Variants in OPCML observed in about 807,000 individuals in gnomAD.
OPCML encodes opioid-binding protein/cell adhesion molecule.
OPCML carries 13 observed loss-of-function variants against 37.8 expected under a neutral mutation model. The observed-to-expected ratio is 0.34, with a 90% confidence interval of 0.22 to 0.55. The LOEUF is 0.55. Ranked by LOEUF, OPCML falls within the 20% of genes least tolerant of loss-of-function variation. The pLI is 0.91. For missense variants in OPCML, 341 were observed against 435.6 expected (o/e 0.78, Z 1.93); for synonymous variants, 176 against 168.8 (o/e 1.04, Z -0.33).
rs538590980 is a variant in OPCML at position 132,431,788 on chromosome 11, C to T, written c.916+4298G>A. 3.6e-4 allele frequency among the ~76,000 whole-genome samples: 55 copies of T among 152,230 alleles called. 1 individual carries two copies. Among genetic ancestry groups the T allele is most frequent in the South Asian group, 2.3e-3 (11 of 4,820 alleles). Reference sequence around the variant, plus strand: ...AGAGAGGCACGCTGTGAAGGGATCACGGGGCAGAGTCAAAGAGGGCTCTCA... The same window carrying T: ...AGAGAGGCACGCTGTGAAGGGATCATGGGGCAGAGTCAAAGAGGGCTCTCA... On this transcript the variant is annotated intron_variant, in intron 7 of 7. Coordinates refer to ENST00000524381, the MANE Select transcript of OPCML (RefSeq NM_001012393.5).
chr11:132,892,343 G>C (rs1182988932), intron 2 of OPCML, among the ~76,000 whole-genome samples: 1 of 152,202 alleles, frequency 6.6e-6, no homozygotes, highest in Non-Finnish European at 1.5e-5. Flanking sequence ...TGGTTGAGAA[G>C]AAAAGGAGAG....
intron 3 of OPCML, among the ~76,000 whole-genome samples, chr11:132,640,716 C>A (rs188864573): frequency 1.3e-5 from 2 of 152,136 alleles, no homozygotes; most frequent in Non-Finnish European, 2.9e-5. Context: ...GCAGTAGTTA[C>A]GGTGTGGTGT....
At chr11:133,207,710 C>T (rs1469724682) in intron 1 of OPCML, among the ~76,000 whole-genome samples, 1 of 152,136 alleles carries the variant, frequency 6.6e-6, no homozygotes, top group Admixed American at 6.5e-5. Flanking sequence ...ATGTACTATC[C>T]AGACTCAGAT....
chr11:133,511,380 G>T (rs567661726), intron 1 of OPCML, among the ~76,000 whole-genome samples: 5 of 152,176 alleles, frequency 3.3e-5, no homozygotes, highest in African/African-American at 1.2e-4. Flanking sequence ...ACACAGGACC[G>T]CGTGGCTAAC....
chr11:133,102,647 G>T (rs1174682216), intron 1 of OPCML, among the ~76,000 whole-genome samples: 3 of 152,146 alleles, frequency 2.0e-5, no homozygotes, highest in African/African-American at 7.2e-5. Flanking sequence ...CTACTCAGGA[G>T]GCTGAGGCAG....
At chr11:132,752,876 C>T (rs1945886756) in intron 2 of OPCML, among the ~76,000 whole-genome samples, 1 of 152,082 alleles carries the variant, frequency 6.6e-6, no homozygotes, top group African/African-American at 2.4e-5. Flanking sequence ...TTGTTGAGTC[C>T]ACCTTCTAAA....
chr11:132,643,657 C>A (rs1940988206), intron 3 of OPCML, among the ~76,000 whole-genome samples: 1 of 152,176 alleles, frequency 6.6e-6, no homozygotes, highest in Admixed American at 6.5e-5. Flanking sequence ...ATCTCTTTCC[C>A]TTATCACCTT....
At chr11:132,902,522 A>G (rs557392007) in intron 2 of OPCML, among the ~76,000 whole-genome samples, 1 of 152,284 alleles carries the variant, frequency 6.6e-6, no homozygotes, top group Non-Finnish European at 1.5e-5. Context: ...TGACGATCTC[A>G]TCAGGGATGG....
rs1332566438 is a variant in OPCML, at chr11:132,866,214, C to A, written c.146+76712G>T. On this transcript the variant is annotated intron_variant, in intron 2 of 7. Coordinates refer to ENST00000524381, the MANE Select transcript of OPCML (RefSeq NM_001012393.5). ...TTACATTATGTGGCCAACAAAAGAA[C>A]ATAAATTGTTTCATTCCTGAGGAAA... 2.0e-5 allele frequency among the ~76,000 whole-genome samples: 3 copies of A among 152,148 alleles called. No individual in the cohort carries two copies. In the East Asian group the frequency reaches 5.8e-4, roughly 29 times the overall value.
chr11:132,512,789 A>G (rs904168752), intron 4 of OPCML, among the ~76,000 whole-genome samples: 3 of 151,906 alleles, frequency 2.0e-5, no homozygotes, highest in African/African-American at 7.2e-5. Context: ...AAAGTCTAAT[A>G]TATAACAGCA....
intron 3 of OPCML, among the ~76,000 whole-genome samples, chr11:132,554,135 G>A (rs1033550039): frequency 3.0e-4 from 45 of 152,306 alleles, no homozygotes; most frequent in African/African-American, 1.1e-3. Context: ...CATTAAACGT[G>A]AGGATGAGAC....
intron 3 of OPCML, among the ~76,000 whole-genome samples, chr11:132,600,371 G>A (rs1035704810): frequency 6.6e-5 from 10 of 152,272 alleles, no homozygotes; most frequent in East Asian, 1.9e-4. Context: ...TAGTCTTCAC[G>A]TAGGCCTAAA....
intron 4 of OPCML, among the ~76,000 whole-genome samples, chr11:132,438,673 G>A (rs1434829796): frequency 3.3e-5 from 5 of 151,772 alleles, no homozygotes; most frequent in South Asian, 2.1e-4. Flanking sequence ...GCAGCAGAAA[G>A]GTGTCTGTGG....
chr11:132,935,257 ATTAT>A (rs1170787231), intron 2 of OPCML, among the ~76,000 whole-genome samples: 3 of 152,170 alleles, frequency 2.0e-5, no homozygotes, highest in Non-Finnish European at 2.9e-5. Flanking sequence ...ATGTTTCCAT[ATTAT>A]CTTCTTCTAA....
At chr11:133,285,892 G>A (rs1364294136) in intron 1 of OPCML, among the ~76,000 whole-genome samples, 1 of 152,186 alleles carries the variant, frequency 6.6e-6, no homozygotes, top group Non-Finnish European at 1.5e-5. Context: ...GTATGGTCCT[G>A]CCTGGTAGGA....
At chr11:132,675,650 G>C (rs558430516) in intron 2 of OPCML, among the ~76,000 whole-genome samples, 2 of 151,988 alleles carry the variant, frequency 1.3e-5, no homozygotes, top group Non-Finnish European at 2.9e-5. Context: ...CATTAGCAAT[G>C]AAAAATCTGA....
intron 1 of OPCML, among the ~76,000 whole-genome samples, chr11:133,010,020 C>A (rs765268674): frequency 6.6e-6 from 1 of 152,184 alleles, no homozygotes; most frequent in Non-Finnish European, 1.5e-5. Context: ...CCCCTAGTCC[C>A]TTTTCATATC....
intron 2 of OPCML, among the ~76,000 whole-genome samples, chr11:132,736,179 G>C (rs1419087635): frequency 6.6e-6 from 1 of 152,074 alleles, no homozygotes; most frequent in Non-Finnish European, 1.5e-5. Context: ...ATGTGTGTGA[G>C]AGTATGTGTG....
At chr11:133,073,245 T>G (rs1376576800) in intron 1 of OPCML, among the ~76,000 whole-genome samples, 2 of 152,180 alleles carry the variant, frequency 1.3e-5, no homozygotes, top group African/African-American at 4.8e-5. Context: ...AGTCAAGCCC[T>G]GGGGCAGAAA....
Sources: allele counts gnomAD v4.1 joint callset (sites outside exome capture counted in the v4.1 genomes callset), GRCh38; gene constraint gnomAD v4.1.1; transcripts MANE v1.5; gene names NCBI Gene and HGNC (gene_info 2026-07-23, HGNC 2026-07-21).